The following TRANK1 variants were observed in gnomAD, a reference collection of about 807,000 sequenced individuals.
TRANK1 encodes the protein TPR and ankyrin repeat-containing protein 1.
A neutral mutation model predicts 266.0 loss-of-function variants in TRANK1; 198 were observed. That is an observed-to-expected ratio of 0.74 (90% confidence interval 0.66 to 0.84). TRANK1 has a LOEUF of 0.84. Among genes scored for constraint, TRANK1 ranks in the 40% least tolerant of loss-of-function variants. The probability of loss-of-function intolerance (pLI) is 0.00; values close to 1 mark genes in which losing one functional copy is unlikely to be tolerated. For missense variants in TRANK1, 3,326 were observed against 3,634.6 expected (o/e 0.92, Z 2.18); for synonymous variants, 1,396 against 1,384.1 (o/e 1.01, Z -0.19).
chr3:36,872,975 G>C (rs544199754), intron 9 of TRANK1, among the ~76,000 whole-genome samples: 25 of 152,264 alleles, frequency 1.6e-4, no homozygotes, highest in African/African-American at 5.8e-4. Flanking sequence ...AGTAGCAATG[G>C]GAGCTAGAAG....
At chr3:36,921,923 C>T (rs1323258653) in intron 1 of TRANK1, among the ~76,000 whole-genome samples, 2 of 152,128 alleles carry the variant, frequency 1.3e-5, no homozygotes, top group Non-Finnish European at 2.9e-5. Flanking sequence ...GGGAGGATTG[C>T]TTGAGCTTAG....
At chr3:36,929,146 A>ATT (rs5847943) in intron 1 of TRANK1, among the ~76,000 whole-genome samples, 1,616 of 144,066 alleles carry the variant, frequency 0.011, 22 homozygotes, top group Middle Eastern at 0.022. Flanking sequence ...TAAAACATTA[A>ATT]TTTTTTTTTT....
chr3:36,834,517 C>T (rs1316171296), intron 21 of TRANK1: 4 of 435,948 alleles, frequency 9.2e-6, no homozygotes, highest in South Asian at 4.8e-5. Context: ...ACACTCATAA[C>T]ATACTCCCAT....
intron 15 of TRANK1, chr3:36,850,196 G>A: frequency 1.0e-6 from 1 of 985,372 alleles, no homozygotes. Context: ...ATGACCGATG[G>A]ATGTATCATT....
intron 8 of TRANK1, among the ~76,000 whole-genome samples, chr3:36,886,585 T>C (rs2079609205): frequency 6.6e-6 from 1 of 152,032 alleles, no homozygotes; most frequent in Non-Finnish European, 1.5e-5. Flanking sequence ...GAGTGAAACA[T>C]GCTGGATTTC....
At chr3:36,909,087 C>T (rs1056529595) in intron 1 of TRANK1, among the ~76,000 whole-genome samples, 1 of 152,090 alleles carries the variant, frequency 6.6e-6, no homozygotes, top group Non-Finnish European at 1.5e-5. Context: ...CTCTCCTGTC[C>T]CCCTCCTTTC....
intron 13 of TRANK1, among the ~76,000 whole-genome samples, chr3:36,853,128 G>C (rs557809663): frequency 6.6e-6 from 1 of 152,262 alleles, no homozygotes; most frequent in African/African-American, 2.4e-5. Flanking sequence ...CATACAGCAG[G>C]CACCTTCAAA....
intron 17 of TRANK1, among the ~76,000 whole-genome samples, chr3:36,845,486 G>A (rs1302020672): frequency 6.6e-6 from 1 of 152,140 alleles, no homozygotes; most frequent in Non-Finnish European, 1.5e-5. Context: ...GGGTTTGATG[G>A]TTAAAGACAC....
chr3:36,941,278 T>C (rs1014512664), intron 1 of TRANK1, among the ~76,000 whole-genome samples: 2 of 152,150 alleles, frequency 1.3e-5, no homozygotes, highest in African/African-American at 4.8e-5. Context: ...ATCAAAATGT[T>C]GCTGGAACTT....
At chr3:36,871,777 A>G (rs1432724704) in intron 9 of TRANK1, among the ~76,000 whole-genome samples, 2 of 152,200 alleles carry the variant, frequency 1.3e-5, no homozygotes, top group Admixed American at 6.5e-5. Context: ...TAAAACATAA[A>G]TGGGGAAATG....
rs1217582051 is a variant in TRANK1, at chr3:36,864,405, A to G, written c.1154T>C (p.Met385Thr). 1.0e-5 allele frequency: 16 copies of G among 1,537,086 alleles called. No individual in the cohort carries two copies. The highest frequency in any genetic ancestry group is 1.3e-5 in the Non-Finnish European group (15 of 1,146,822). ...ATGCAATAACCGGTTTCCTGAGTTC[A>G]TATACTTCACCAGCTGCTCCAAGAC... ...RKVLEQLVKYMNSGNRLLHKN... is the reference protein window; with the variant it reads ...RKVLEQLVKYTNSGNRLLHKN... Residue 385 changes from methionine (M) to threonine (T), a missense_variant, in exon 10 of 24, where the codon ATG becomes ACG. Physicochemically the swap from Met to Thr is moderately conservative, Grantham distance 81 (BLOSUM62 -1). Transcript: ENST00000645898.
rs779791421 is a variant in TRANK1 at position 36,856,528 on chromosome 3, T to C, written c.3194A>G (p.Asn1065Ser). ...GATGATGGGCTCCAGTGGCCTGGGA[T>C]TGAGGTCGATCACCGCGTACTCAAG... ...GELEYAVIDL[N>S]PRPLEPIILI... Residue 1065 changes from asparagine to serine, a missense_variant, in exon 13 of 24, where the codon AAT becomes AGT. Asn to Ser is a conservative substitution (Grantham distance 46). Transcript: ENST00000645898. 6 of 1,613,954 alleles carry C rather than the reference T, an allele frequency of 3.7e-6. No individual in the cohort carries two copies. Among genetic ancestry groups the C allele is most frequent in the South Asian group, 2.2e-5 (2 of 91,074 alleles).
At position 36,874,160 on chromosome 3, in the gene TRANK1, T is replaced by C. The variant is rs1286534102; in HGVS notation, c.1044A>G (p.Leu348=). 4 of 1,537,576 alleles carry C rather than the reference T, an allele frequency of 2.6e-6. No individual in the cohort carries two copies. Among genetic ancestry groups the C allele is most frequent in the Non-Finnish European group, 3.5e-6 (4 of 1,146,976 alleles). ...CCTTAGAACACGTAGCTAGCTTTTCTAAGTGACTGTTGATTTTCTCGATGG... is the reference window on the plus strand; with the variant it reads ...CCTTAGAACACGTAGCTAGCTTTTCCAAGTGACTGTTGATTTTCTCGATGG... The part of the protein sequence containing the change: ...FKAIEKINSH[L]EKLATCSKDL... Residue 348 remains leucine, a synonymous_variant, in exon 9 of 24, where the codon TTA becomes TTG. Coordinates refer to ENST00000645898, the MANE Select transcript of TRANK1 (RefSeq NM_001329998.2).
chr3:36,944,684 T>C lies in TRANK1; in HGVS notation c.23+103A>G, dbSNP rs908846778. ...TGGCCGGGCGGGCCCGTTCGGCCGCTACCTCAGGGTCGCCAGTCCCCGCGC... is the reference window on the plus strand; with the variant it reads ...TGGCCGGGCGGGCCCGTTCGGCCGCCACCTCAGGGTCGCCAGTCCCCGCGC... On this transcript the variant is annotated intron_variant, in intron 1 of 23. Coordinates refer to ENST00000645898, the MANE Select transcript of TRANK1 (RefSeq NM_001329998.2). The C allele has an allele frequency of 3.1e-4, 429 of 1,369,552 alleles. 1 individual carries two copies. The highest frequency in any genetic ancestry group is 4.1e-4 in the Non-Finnish European group (422 of 1,022,794). 84.8% of individuals were successfully genotyped at this position (1,369,552 alleles called of 1,614,324 possible). A position where few individuals can be genotyped will look rare whatever the true frequency, so the allele number is the denominator to read the frequency against.
Position 36,856,928 on chromosome 3 carries a change from C to T in TRANK1, c.2794G>A (p.Gly932Arg). 6.4e-7 allele frequency: 1 copy of T among 1,572,414 alleles called. No individual in the cohort carries two copies. Among genetic ancestry groups the T allele is most frequent in the South Asian group, 1.1e-5 (1 of 88,424 alleles). ...EQNTCAMEKS[G>R]RIYTEIIRIW... ...CGGATGATTTCCGTGTAGATCCGCC[C>T]TGATTTCTCCATTGCACACGTGTTC... Residue 932 changes from glycine to arginine, a missense_variant, in exon 13 of 24, where the codon GGG becomes AGG. Coordinates refer to ENST00000645898, the MANE Select transcript of TRANK1 (RefSeq NM_001329998.2).
At chr3:36,858,174 GA>G in intron 12 of TRANK1, 125 bp from the exon 13 acceptor site, 1 of 783,040 alleles carries the variant, frequency 1.3e-6, no homozygotes. Flanking sequence ...CAAAAAATCT[GA>G]AATCCATTAA....
chr3:36,944,565 C>G (rs1433294990), intron 1 of TRANK1, among the ~76,000 whole-genome samples: 1 of 152,092 alleles, frequency 6.6e-6, no homozygotes, highest in African/African-American at 2.4e-5. Context: ...GTGCCCTGGT[C>G]CCTCCGGACC....
chr3:36,827,169 G>A lies in TRANK1; in HGVS notation c.*1106C>T, dbSNP rs2078641308. ...ATCAGAGAGGCATGAAGGTTTCCCA[G>A]GTGGGATCAGCTGATGGCTGCTGGC... On this transcript the variant is annotated 3_prime_UTR_variant, in exon 24 of 24. Transcript: ENST00000645898. 6.6e-6 allele frequency: 1 copy of A among 152,400 alleles called. No individual in the cohort carries two copies. Among genetic ancestry groups the A allele is most frequent in the Non-Finnish European group, 1.5e-5 (1 of 68,162 alleles). The allele number at this position is 152,400 out of a possible 1,614,324, so 9.4% of individuals were successfully genotyped here.
chr3:36,859,353 G>A (rs1202217557), intron 11 of TRANK1, among the ~76,000 whole-genome samples: 1 of 151,534 alleles, frequency 6.6e-6, no homozygotes, highest in Non-Finnish European at 1.5e-5. Flanking sequence ...ACGTGTCATG[G>A]TGGTTTGCTG....
Sources: allele counts gnomAD v4.1 joint callset (sites outside exome capture counted in the v4.1 genomes callset), GRCh38; gene constraint gnomAD v4.1.1; transcripts MANE v1.5; gene names NCBI Gene and HGNC (gene_info 2026-07-23, HGNC 2026-07-21).